The following ADAMTS3 variants were observed in gnomAD, a reference collection of about 807,000 sequenced individuals.
The protein encoded by ADAMTS3 is ADAM metallopeptidase with thrombospondin type 1 motif 3.
Under a neutral mutation model 129.0 loss-of-function variants are expected in ADAMTS3, and 73 were observed. The observed-to-expected ratio is 0.57, with a 90% CI of 0.47 to 0.69. The LOEUF (loss-of-function observed/expected upper bound fraction) is 0.69, where lower values mean the gene tolerates loss of function less well. Ranked by LOEUF, ADAMTS3 falls within the 30% of genes least tolerant of loss-of-function variation. ADAMTS3 has a pLI of 0.00. For missense variants in ADAMTS3, 1,457 were observed against 1,514.5 expected, an observed-to-expected ratio of 0.96 and a Z score of 0.63; for synonymous variants, 477 against 510.8, an observed-to-expected ratio of 0.93 and a Z score of 0.89.
chr4:72,406,398 GT>G (rs942853006), intron 4 of ADAMTS3, among the ~76,000 whole-genome samples: 2 of 151,950 alleles, frequency 1.3e-5, no homozygotes, highest in South Asian at 2.1e-4. Context: ...ACTTTTTCCT[GT>G]TTTTTTCTTT....
chr4:72,467,723 C>T (rs1405038752), intron 3 of ADAMTS3, among the ~76,000 whole-genome samples: 1 of 152,026 alleles, frequency 6.6e-6, no homozygotes, highest in Non-Finnish European at 1.5e-5. Flanking sequence ...GACTAAGTTA[C>T]CACCCTTTTA....
chr4:72,360,243 A>G (rs1560485998), intron 4 of ADAMTS3, among the ~76,000 whole-genome samples: 1 of 152,046 alleles, frequency 6.6e-6, no homozygotes, highest in East Asian at 1.9e-4. Flanking sequence ...CGAATTTCCT[A>G]TCCCTGGACT....
At chr4:72,497,259 A>G (rs1719895401) in intron 3 of ADAMTS3, among the ~76,000 whole-genome samples, 1 of 152,090 alleles carries the variant, frequency 6.6e-6, no homozygotes, top group African/African-American at 2.4e-5. Flanking sequence ...CTGGAAATGC[A>G]TATACAGACA....
intron 5 of ADAMTS3, among the ~76,000 whole-genome samples, chr4:72,335,897 A>T (rs1004661785): frequency 6.6e-6 from 1 of 152,030 alleles, no homozygotes; most frequent in African/African-American, 2.4e-5. Context: ...ATTTATATTC[A>T]TTTGTTCTTC....
chr4:72,449,680 C>T (rs527674175), intron 3 of ADAMTS3, among the ~76,000 whole-genome samples: 1 of 151,664 alleles, frequency 6.6e-6, no homozygotes, highest in South Asian at 2.1e-4. Context: ...GCTTAAAATC[C>T]TTCCTGGCCC....
At chr4:72,530,648 A>T (rs1721000134) in intron 3 of ADAMTS3, among the ~76,000 whole-genome samples, 1 of 78,892 alleles carries the variant, frequency 1.3e-5, no homozygotes, top group African/African-American at 5.0e-5. Flanking sequence ...TATTATATAT[A>T]ATATTATATA....
chr4:72,410,049 A>G (rs184037346), intron 4 of ADAMTS3, among the ~76,000 whole-genome samples: 2 of 152,218 alleles, frequency 1.3e-5, no homozygotes, highest in Admixed American at 6.6e-5. Flanking sequence ...TGCTGAAATT[A>G]ATTTCTATTG....
chr4:72,479,376 C>T (rs557441445), intron 3 of ADAMTS3, among the ~76,000 whole-genome samples: 2 of 152,282 alleles, frequency 1.3e-5, no homozygotes, highest in African/African-American at 4.8e-5. Flanking sequence ...AAAGAGCCCT[C>T]AGAAATAATG....
At chr4:72,525,255 G>C (rs1229195172) in intron 3 of ADAMTS3, among the ~76,000 whole-genome samples, 1 of 152,300 alleles carries the variant, frequency 6.6e-6, no homozygotes, top group East Asian at 1.9e-4. Context: ...AGTCAGGACA[G>C]AGAAATCCTT....
At chr4:72,556,913 C>A (rs1006215834) in intron 2 of ADAMTS3, among the ~76,000 whole-genome samples, 1 of 151,614 alleles carries the variant, frequency 6.6e-6, no homozygotes, top group African/African-American at 2.4e-5. Context: ...AGGCCTCTCT[C>A]CCCTATAATC....
chr4:72,318,238 C>G (rs1387001900), intron 10 of ADAMTS3, among the ~76,000 whole-genome samples: 2 of 152,036 alleles, frequency 1.3e-5, no homozygotes, highest in Non-Finnish European at 2.9e-5. Flanking sequence ...GCAGGGGATG[C>G]AAAGAACATG....
At chr4:72,329,942 GTT>G (rs1719802175) in intron 5 of ADAMTS3, among the ~76,000 whole-genome samples, 1 of 152,052 alleles carries the variant, frequency 6.6e-6, no homozygotes, top group Non-Finnish European at 1.5e-5. Flanking sequence ...CCTGATACAT[GTT>G]TCCCCTGCAA....
chr4:72,454,673 A>G (rs1228219972), intron 3 of ADAMTS3, among the ~76,000 whole-genome samples: 3 of 151,704 alleles, frequency 2.0e-5, no homozygotes, highest in Non-Finnish European at 4.4e-5. Context: ...GTAAAATACA[A>G]TAGGTTGAAG....
chr4:72,514,661 G>C (rs918528290), intron 3 of ADAMTS3, among the ~76,000 whole-genome samples: 1 of 152,038 alleles, frequency 6.6e-6, no homozygotes, highest in Admixed American at 6.6e-5. Context: ...AACTTTTTGA[G>C]AGTAAGCCCC....
chr4:72,416,476 T>A (rs1202282199), intron 3 of ADAMTS3, among the ~76,000 whole-genome samples: 1 of 152,082 alleles, frequency 6.6e-6, no homozygotes, highest in African/African-American at 2.4e-5. Context: ...TCTTCTACTA[T>A]TCTTGGCCCA....
intron 16 of ADAMTS3, among the ~76,000 whole-genome samples, chr4:72,305,566 T>C (rs1489556938): frequency 6.6e-6 from 1 of 151,892 alleles, no homozygotes; most frequent in East Asian, 1.9e-4. Flanking sequence ...GATTTTTCCC[T>C]CATATAGTTA....
chr4:72,287,712 A>G (rs530860310), intron 21 of ADAMTS3, among the ~76,000 whole-genome samples: 1 of 152,250 alleles, frequency 6.6e-6, no homozygotes, highest in East Asian at 1.9e-4. Context: ...ACAGAGCAAG[A>G]CAGACACCAA....
chr4:72,356,254 T>C (rs1720578848), intron 4 of ADAMTS3, among the ~76,000 whole-genome samples: 1 of 151,926 alleles, frequency 6.6e-6, no homozygotes, highest in South Asian at 2.1e-4. Context: ...CTAAAGTTTC[T>C]AACAGTATTG....
chr4:72,486,944 T>C (rs988494625), intron 3 of ADAMTS3, among the ~76,000 whole-genome samples: 3 of 152,154 alleles, frequency 2.0e-5, no homozygotes, highest in Admixed American at 6.6e-5. Flanking sequence ...AGATTGTTCA[T>C]TGGATTTCAT....
Sources: gnomAD v4.1 joint callset for allele counts (sites outside exome capture counted in the v4.1 genomes callset) on GRCh38, gnomAD v4.1.1 for gene constraint, MANE v1.5 for transcripts, NCBI Gene and HGNC (gene_info 2026-07-23, HGNC 2026-07-21) for gene names.